IL1RAPL1: variants seen among roughly 807,000 people sequenced by gnomAD.
IL1RAPL1 encodes the protein interleukin 1 receptor accessory protein like 1.
IL1RAPL1 carries 3 observed loss-of-function variants against 48.4 expected under a neutral mutation model. The observed-to-expected ratio is 0.06, with a 90% CI of 0.03 to 0.16. IL1RAPL1 has a LOEUF of 0.16. Ranked by LOEUF, IL1RAPL1 falls within the 10% of genes least tolerant of loss-of-function variation. IL1RAPL1 has a pLI of 1.00. For synonymous variants in IL1RAPL1, 185 were observed against 187.7 expected (o/e 0.99, Z 0.12); for missense variants, 349 against 530.6 (o/e 0.66, Z 3.36).
In IL1RAPL1 at chrX:29,302,168, A is replaced by G. The variant is rs187215340; in HGVS notation, c.362+18951A>G. ...TAAATGTCGCAGAGAAAATTATTCT[A>G]TATATTCAGTCATTCAGACAATTAT... On this transcript the variant is annotated intron_variant, in intron 3 of 10. Transcript: ENST00000378993. Among the ~76,000 whole-genome samples the G allele has an allele frequency of 6.2e-5, 7 of 112,049 alleles. No homozygotes were observed. In the East Asian group the frequency reaches 8.4e-4, roughly 13 times the overall value.
At chrX:29,631,953 C>T (rs1010553132) in intron 5 of IL1RAPL1, among the ~76,000 whole-genome samples, 4 of 111,202 alleles carry the variant, frequency 3.6e-5, no homozygotes, top group African/African-American at 6.5e-5. Flanking sequence ...TTGATCTTTC[C>T]GAGAAATTAT....
At chrX:28,660,086 GGTGTGTGTGTGTGTGT>G (rs60600833) in intron 1 of IL1RAPL1, among the ~76,000 whole-genome samples, 1,042 of 76,428 alleles carry the variant, frequency 0.014, 8 homozygotes, top group African/African-American at 0.041. Context: ...GAGTGAGGAT[GGTGTGTGTGTGTGTGT>G]GTGTGTGTGT....
intron 6 of IL1RAPL1, among the ~76,000 whole-genome samples, chrX:29,916,142 T>C (rs1203258832): frequency 1.0e-5 from 1 of 98,653 alleles, no homozygotes; most frequent in East Asian, 3.2e-4. Flanking sequence ...CTTAATCCAG[T>C]CTATCATTGT....
intron 2 of IL1RAPL1, among the ~76,000 whole-genome samples, chrX:29,181,726 A>G (rs747075314): frequency 1.2e-4 from 14 of 112,127 alleles, no homozygotes; most frequent in South Asian, 3.7e-4. Flanking sequence ...AAGGATGGCA[A>G]TTATATTTAT....
intron 5 of IL1RAPL1, among the ~76,000 whole-genome samples, chrX:29,452,787 C>G (rs901629036): frequency 1.8e-5 from 2 of 110,637 alleles, no homozygotes; most frequent in African/African-American, 3.3e-5. Flanking sequence ...GGTGGATAAT[C>G]AAAAAGTACG....
At chrX:29,540,327 G>A (rs184955954) in intron 5 of IL1RAPL1, among the ~76,000 whole-genome samples, 39 of 110,703 alleles carry the variant, frequency 3.5e-4, no homozygotes, top group African/African-American at 1.2e-3. Context: ...GGTTGGAATA[G>A]TCAATATCAT....
At chrX:28,975,965 G>C (rs769623457) in intron 2 of IL1RAPL1, among the ~76,000 whole-genome samples, 1 of 111,593 alleles carries the variant, frequency 9.0e-6, no homozygotes, top group African/African-American at 3.3e-5. Context: ...AAATGAACAC[G>C]TATGTCATGT....
chrX:29,628,749 T>A (rs1924686156), intron 5 of IL1RAPL1, among the ~76,000 whole-genome samples: 1 of 112,242 alleles, frequency 8.9e-6, no homozygotes, highest in Non-Finnish European at 1.9e-5. Flanking sequence ...GCTATTATTT[T>A]TATTGATTAT....
At chrX:28,885,829 G>A (rs997071366) in intron 2 of IL1RAPL1, among the ~76,000 whole-genome samples, 2 of 110,740 alleles carry the variant, frequency 1.8e-5, no homozygotes, top group African/African-American at 6.6e-5. Flanking sequence ...CATGTCTTTC[G>A]GGAAATTATA....
At chrX:28,659,005 G>A in intron 1 of IL1RAPL1, 1 of 476,449 alleles carries the variant, frequency 2.1e-6, no homozygotes, top group Middle Eastern at 5.7e-4. Context: ...CCAGTAACAG[G>A]AAGAAGAGAC....
intron 5 of IL1RAPL1, among the ~76,000 whole-genome samples, chrX:29,631,536 C>T (rs142541435): frequency 8.9e-6 from 1 of 112,216 alleles, no homozygotes; most frequent in Non-Finnish European, 1.9e-5. Context: ...CTGCCTCGGC[C>T]CCCACAAAGT....
chrX:29,064,583 T>C, intron 2 of IL1RAPL1, among the ~76,000 whole-genome samples: 1 of 102,528 alleles, frequency 9.8e-6, no homozygotes, highest in Non-Finnish European at 2.0e-5. Flanking sequence ...TTTGTTTTTG[T>C]TTTGTTTTGT....
intron 1 of IL1RAPL1, among the ~76,000 whole-genome samples, chrX:28,737,133 C>A (rs1181912514): frequency 3.6e-5 from 1 of 27,947 alleles, no homozygotes; most frequent in Non-Finnish European, 6.5e-5. Context: ...TTCCTTCCTT[C>A]CTTCCTTCCT....
At chrX:28,614,132 A>G (rs1934184919) in intron 1 of IL1RAPL1, among the ~76,000 whole-genome samples, 1 of 112,240 alleles carries the variant, frequency 8.9e-6, no homozygotes, top group South Asian at 3.7e-4. Flanking sequence ...AATGGAAAGA[A>G]TAGGCTATAT....
At chrX:29,315,362 G>T (rs1475041234) in intron 3 of IL1RAPL1, among the ~76,000 whole-genome samples, 1 of 111,600 alleles carries the variant, frequency 9.0e-6, no homozygotes, top group Non-Finnish European at 1.9e-5. Context: ...TGGAGCTGGG[G>T]TCCTATCTTA....
chrX:29,748,611 G>A (rs759815972), intron 6 of IL1RAPL1, among the ~76,000 whole-genome samples: 3 of 113,113 alleles, frequency 2.7e-5, no homozygotes, highest in Non-Finnish European at 3.7e-5. Flanking sequence ...CTAGTTGGCA[G>A]TGGAGCTAAC....
chrX:28,625,379 T>G (rs1478844266), intron 1 of IL1RAPL1, among the ~76,000 whole-genome samples: 1 of 112,019 alleles, frequency 8.9e-6, no homozygotes, highest in Non-Finnish European at 1.9e-5. Flanking sequence ...AGGCAGCAGA[T>G]CAGCCACCTA....
intron 1 of IL1RAPL1, among the ~76,000 whole-genome samples, chrX:28,748,168 A>T (rs1006112357): frequency 1.8e-5 from 2 of 111,981 alleles, no homozygotes; most frequent in Non-Finnish European, 3.8e-5. Flanking sequence ...CATTTGAATC[A>T]TATACACATC....
intron 2 of IL1RAPL1, among the ~76,000 whole-genome samples, chrX:29,278,262 T>C (rs755610406): frequency 8.9e-6 from 1 of 112,336 alleles, no homozygotes; most frequent in South Asian, 3.7e-4. Context: ...TTTGAATATA[T>C]TGATAATAGC....
Sources: gnomAD v4.1 joint callset for allele counts (sites outside exome capture counted in the v4.1 genomes callset) on GRCh38, gnomAD v4.1.1 for gene constraint, MANE v1.5 for transcripts, NCBI Gene and HGNC (gene_info 2026-07-23, HGNC 2026-07-21) for gene names.